Variants in HDAC11 observed in about 807,000 individuals in gnomAD.
HDAC11 encodes histone deacetylase 11.
Under a neutral mutation model 41.1 loss-of-function variants are expected in HDAC11, and 23 were observed. The observed-to-expected ratio is 0.56, with a 90% CI of 0.40 to 0.79. HDAC11 has a LOEUF of 0.79. Among genes scored for constraint, HDAC11 ranks in the 30% least tolerant of loss-of-function variants. The probability of loss-of-function intolerance (pLI) is 0.00; values close to 1 mark genes in which losing one functional copy is unlikely to be tolerated. For missense variants in HDAC11, 402 were observed against 477.3 expected (o/e 0.84, Z 1.47); for synonymous variants, 187 against 186.6 (o/e 1.00, Z -0.02).
intron 3 of HDAC11, among the ~76,000 whole-genome samples, chr3:13,485,743 C>G (rs1024626505): frequency 3.3e-5 from 5 of 152,080 alleles, no homozygotes; most frequent in African/African-American, 1.2e-4. Context: ...TATGATTGCA[C>G]CACTGCACTC....
At chr3:13,497,854 CTTTTTTTTT>C (rs10667297) in intron 4 of HDAC11, among the ~76,000 whole-genome samples, 1 of 106,080 alleles carries the variant, frequency 9.4e-6, no homozygotes, top group South Asian at 3.1e-4. Flanking sequence ...TCTTTTTTTG[CTTTTTTTTT>C]TTTTTTTTTT....
intron 3 of HDAC11, among the ~76,000 whole-genome samples, chr3:13,486,454 A>G (rs913936226): frequency 1.3e-5 from 2 of 152,008 alleles, no homozygotes; most frequent in Non-Finnish European, 1.5e-5. Flanking sequence ...GAGAGCACCA[A>G]GGGCTATGAA....
At position 13,504,563 on chromosome 3, in the gene HDAC11, A is replaced by C. The variant is rs1275917096; in HGVS notation, c.924A>C (p.Thr308=). ...MVTSGGYQKR[T]ARIIADSILN... is the part of the protein sequence containing the mutation. ...CCTCAGGCGGGTACCAGAAGCGCACAGCCCGCATCATTGCTGACTCCATAC... is the reference window on the plus strand; with the variant it reads ...CCTCAGGCGGGTACCAGAAGCGCACCGCCCGCATCATTGCTGACTCCATAC... Residue 308 remains threonine, a synonymous_variant, in exon 10 of 10, where the codon ACA becomes ACC. Coordinates refer to ENST00000295757, the MANE Select transcript of HDAC11 (RefSeq NM_024827.4). 2 of 1,613,566 alleles carry C rather than the reference A, an allele frequency of 1.2e-6. No individual in the cohort carries two copies. Among genetic ancestry groups the C allele is most frequent in the Admixed American group, 1.7e-5 (1 of 60,002 alleles).
chr3:13,483,587 G>A, intron 3 of HDAC11, 23 bp downstream of exon 3: 1 of 1,584,904 alleles, frequency 6.3e-7, no homozygotes, highest in Non-Finnish European at 8.7e-7. Context: ...GGGCCTGGGG[G>A]GCTGCGGGCC....
At chr3:13,490,599 A>G (rs1004358612) in intron 3 of HDAC11, among the ~76,000 whole-genome samples, 1 of 152,042 alleles carries the variant, frequency 6.6e-6, no homozygotes, top group Non-Finnish European at 1.5e-5. Context: ...TTTCGATGTT[A>G]TTATAAATGA....
At chr3:13,494,562 TC>T (rs928130925) in intron 3 of HDAC11, among the ~76,000 whole-genome samples, 1 of 152,060 alleles carries the variant, frequency 6.6e-6, no homozygotes, top group Non-Finnish European at 1.5e-5. Context: ...GCTCTTACAC[TC>T]CCACCCCTTC....
Position 13,501,206 on chromosome 3 carries a change from GCAGA to G in HDAC11, c.489+425_489+428del, listed in dbSNP as rs1283674239. 4.6e-5 allele frequency among the ~76,000 whole-genome samples: 7 copies of G among 152,190 alleles called. No homozygotes were observed. In the East Asian group the frequency reaches 1.3e-3, roughly 29 times the overall value. On this transcript the variant is annotated intron_variant, in intron 6 of 9. Transcript: ENST00000295757. ...TCCAGGACTTACTCCCTGAATCCTCGCAGACAGACAGGGGCCCACAGAGGTGAGG... is the reference window on the plus strand; with the variant it reads ...TCCAGGACTTACTCCCTGAATCCTCGCAGACAGGGGCCCACAGAGGTGAGG...
intron 3 of HDAC11, among the ~76,000 whole-genome samples, chr3:13,494,567 C>A: frequency 6.6e-6 from 1 of 152,208 alleles, no homozygotes; most frequent in East Asian, 1.9e-4. Flanking sequence ...TACACTCCCA[C>A]CCCTTCCCAG....
intron 4 of HDAC11, among the ~76,000 whole-genome samples, chr3:13,498,209 A>T (rs1327721332): frequency 6.6e-6 from 1 of 152,198 alleles, no homozygotes; most frequent in African/African-American, 2.4e-5. Context: ...TTTGAAAGCC[A>T]TATCAAAATT....
chr3:13,501,254 C>A (rs1409932144), intron 6 of HDAC11, among the ~76,000 whole-genome samples: 1 of 152,206 alleles, frequency 6.6e-6, no homozygotes, highest in Non-Finnish European at 1.5e-5. Flanking sequence ...ATAGCAGGGG[C>A]AGAATTGGCG....
Position 13,504,156 on chromosome 3 carries a change from G to T in HDAC11, c.712G>T (p.Val238Leu). 6.2e-7 allele frequency: 1 copy of T among 1,614,068 alleles called. No homozygotes were observed. The highest frequency in any genetic ancestry group is 1.1e-5 in the South Asian group (1 of 91,086). The change falls in exon 9 of 10, where the codon GTG becomes TTG. Residue 238 changes from valine (V) to leucine (L), a missense_variant. Coordinates refer to ENST00000295757, the MANE Select transcript of HDAC11 (RefSeq NM_024827.4). ...AGAGGATGATGAGTACCTGGATAAG[G>T]TGGAGAGGAACATCAAGAAATCCCT... is the stretch of plus-strand genomic sequence containing the variant. ...GTEDDEYLDKVERNIKKSLQE... is the reference protein window; with the variant it reads ...GTEDDEYLDKLERNIKKSLQE...
chr3:13,488,559 C>T (rs929339659), intron 3 of HDAC11, among the ~76,000 whole-genome samples: 5 of 152,202 alleles, frequency 3.3e-5, no homozygotes, highest in Admixed American at 2.6e-4. Flanking sequence ...CTAAGCACAG[C>T]GTTTTCAACA....
At chr3:13,497,221 C>G (rs956536576) in intron 4 of HDAC11, among the ~76,000 whole-genome samples, 1 of 151,884 alleles carries the variant, frequency 6.6e-6, no homozygotes, top group Non-Finnish European at 1.5e-5. Context: ...TTCTGTCGCC[C>G]AGGCTGGAGT....
intron 1 of HDAC11, 73 bp from the exon 2 acceptor site, chr3:13,481,172 CA>C: frequency 6.6e-6 from 10 of 1,505,476 alleles, no homozygotes; most frequent in Non-Finnish European, 8.9e-6. Context: ...TGGGTCAGTC[CA>C]GGCGGGCTCG....
intron 3 of HDAC11, among the ~76,000 whole-genome samples, chr3:13,493,994 T>G (rs1023846943): frequency 6.6e-6 from 1 of 152,112 alleles, no homozygotes; most frequent in Non-Finnish European, 1.5e-5. Context: ...GGAGCAAAGT[T>G]AGAATGGAAT....
Position 13,496,720 on chromosome 3 carries a change from CT to C in HDAC11, c.253-15del. ...GTGGGGAAGCGGAGGCCAACAGCCC[CT>C]GTCTTTTTCCGCAGTGGTCCTTTGC... is the stretch of plus-strand genomic sequence containing the variant. On this transcript the variant is annotated splice_polypyrimidine_tract_variant and intron_variant, in intron 3 of 9. Coordinates refer to ENST00000295757, the MANE Select transcript of HDAC11 (RefSeq NM_024827.4). 1.3e-6 allele frequency: 2 copies of C among 1,558,860 alleles called. No homozygotes were observed. Among genetic ancestry groups the C allele is most frequent in the Non-Finnish European group, 8.8e-7 (1 of 1,139,194 alleles).
intron 8 of HDAC11, 22 bp downstream of exon 8, chr3:13,503,002 C>A: frequency 5.7e-6 from 9 of 1,569,920 alleles, no homozygotes; most frequent in South Asian, 1.1e-5. Flanking sequence ...CCCCTACCCT[C>A]ATCTTGGGTG....
intron 1 of HDAC11, chr3:13,481,037 A>G: frequency 1.7e-6 from 1 of 581,418 alleles, no homozygotes; most frequent in South Asian, 2.0e-5. Context: ...TGTGGTGCCT[A>G]CCCCCAGGGC....
At chr3:13,495,535 T>C (rs1394092703) in intron 3 of HDAC11, among the ~76,000 whole-genome samples, 10 of 152,100 alleles carry the variant, frequency 6.6e-5, no homozygotes. Flanking sequence ...CCCAGACCCT[T>C]CTTATCTCAT....
Sources: allele counts gnomAD v4.1 joint callset (sites outside exome capture counted in the v4.1 genomes callset), GRCh38; gene constraint gnomAD v4.1.1; transcripts MANE v1.5; gene names NCBI Gene and HGNC (gene_info 2026-07-23, HGNC 2026-07-21).